PRKG2: variants seen among roughly 807,000 people sequenced by gnomAD.
PRKG2 encodes protein kinase cGMP-dependent 2.
PRKG2 carries 33 observed loss-of-function variants against 97.2 expected under a neutral mutation model. The observed-to-expected ratio is 0.34, with a 90% confidence interval of 0.26 to 0.45. PRKG2 has a LOEUF of 0.45. Among genes scored for constraint, PRKG2 ranks in the 20% least tolerant of loss-of-function variants. PRKG2 has a pLI of 1.00. For missense variants in PRKG2, 638 were observed against 900.0 expected, an observed-to-expected ratio of 0.71 and a Z score of 3.73; for synonymous variants, 330 against 321.8, an observed-to-expected ratio of 1.03 and a Z score of -0.27.
At chr4:81,196,089 T>C (rs994836546) in intron 2 of PRKG2, among the ~76,000 whole-genome samples, 6 of 152,132 alleles carry the variant, frequency 3.9e-5, no homozygotes, top group African/African-American at 1.4e-4. Flanking sequence ...AGAGGGCCTG[T>C]GAGAGGGACG....
intron 2 of PRKG2, among the ~76,000 whole-genome samples, chr4:81,196,393 T>A (rs958386621): frequency 6.6e-6 from 1 of 152,210 alleles, no homozygotes; most frequent in African/African-American, 2.4e-5. Context: ...AGCTACTAAG[T>A]TTGTGGTAAT....
intron 2 of PRKG2, among the ~76,000 whole-genome samples, chr4:81,196,994 C>G (rs1752998976): frequency 6.6e-6 from 1 of 152,194 alleles, no homozygotes; most frequent in African/African-American, 2.4e-5. Context: ...GTCTTCAGAT[C>G]TGTTCCCCTT....
chr4:81,163,083 A>G (rs1749701230), intron 6 of PRKG2, among the ~76,000 whole-genome samples: 1 of 152,186 alleles, frequency 6.6e-6, no homozygotes, highest in South Asian at 2.1e-4. Context: ...CAACCTTCCT[A>G]GTGGTATTTT....
intron 12 of PRKG2, among the ~76,000 whole-genome samples, chr4:81,138,355 C>G (rs1560570373): frequency 6.6e-6 from 1 of 152,022 alleles, no homozygotes; most frequent in African/African-American, 2.4e-5. Context: ...CCAAAGCAGA[C>G]AGTAGAACAG....
intron 12 of PRKG2, among the ~76,000 whole-genome samples, chr4:81,138,483 C>T (rs116116353): frequency 0.011 from 1,709 of 152,114 alleles, 30 homozygotes; most frequent in African/African-American, 0.039. Flanking sequence ...CAACTTCTGT[C>T]TTCTCATTGT....
chr4:81,143,014 A>C (rs1747451072), intron 10 of PRKG2, 67 bp from the exon 11 acceptor site: 1 of 1,500,044 alleles, frequency 6.7e-7, no homozygotes, highest in Non-Finnish European at 9.0e-7. Context: ...GCCATACATA[A>C]ATTTCACTCC....
intron 17 of PRKG2, among the ~76,000 whole-genome samples, chr4:81,101,241 A>G (rs1203939938): frequency 2.0e-5 from 3 of 152,164 alleles, no homozygotes. Flanking sequence ...ATTATAAATC[A>G]TGCTGCTATA....
In PRKG2 at chr4:81,120,044, A is replaced by G. The variant is rs148852039; in HGVS notation, c.1777-9433T>C. Among the ~76,000 whole-genome samples the G allele has an allele frequency of 5.9e-3, 891 of 152,280 alleles. 6 individuals carry two copies. Among genetic ancestry groups the G allele is most frequent in the African/African-American group, 0.02 (836 of 41,552 alleles). ...GAAGGACTCCATATTTCTATATTTGAGTCCTTGTGGATGAACTGCAACCTA... is the reference window on the plus strand; with the variant it reads ...GAAGGACTCCATATTTCTATATTTGGGTCCTTGTGGATGAACTGCAACCTA... On this transcript the variant is annotated intron_variant, in intron 14 of 18. Transcript: ENST00000264399.
intron 2 of PRKG2, among the ~76,000 whole-genome samples, chr4:81,186,774 A>T (rs936464608): frequency 6.6e-6 from 1 of 152,214 alleles, no homozygotes; most frequent in Admixed American, 6.5e-5. Context: ...CAGACACAAT[A>T]ACAAACGATA....
intron 1 of PRKG2, among the ~76,000 whole-genome samples, chr4:81,213,531 T>C (rs748535244): frequency 6.6e-5 from 10 of 152,064 alleles, no homozygotes; most frequent in East Asian, 1.9e-4. Flanking sequence ...AGAGTGGGGA[T>C]AGACACTCAA....
At chr4:81,154,452 G>A (rs1178858807) in intron 6 of PRKG2, among the ~76,000 whole-genome samples, 4 of 150,628 alleles carry the variant, frequency 2.7e-5, no homozygotes, top group Non-Finnish European at 5.9e-5. Flanking sequence ...CCTCAAGTGG[G>A]TCCCTGACCC....
chr4:81,106,279 T>C (rs1401278087), intron 15 of PRKG2, among the ~76,000 whole-genome samples: 1 of 151,978 alleles, frequency 6.6e-6, no homozygotes, highest in South Asian at 2.1e-4. Context: ...GACGTATGAA[T>C]AAAGAGAGGG....
In PRKG2 at chr4:81,191,036, G is replaced by T. The variant is rs376963045; in HGVS notation, c.461+13551C>A. ...GGAAGACAGTGTGGCGATTCCTCAA[G>T]GATCTAGAACCAGAAATACCATTTG... On this transcript the variant is annotated intron_variant, in intron 2 of 18. Coordinates refer to ENST00000264399, the MANE Select transcript of PRKG2 (RefSeq NM_006259.3). Among the ~76,000 whole-genome samples the T allele has an allele frequency of 1.1e-4, 16 of 152,176 alleles. No individual in the cohort carries two copies. In the South Asian group the frequency reaches 1.5e-3, roughly 14 times the overall value.
intron 6 of PRKG2, among the ~76,000 whole-genome samples, chr4:81,164,750 T>A (rs1163228680): frequency 6.6e-6 from 1 of 152,124 alleles, no homozygotes; most frequent in Non-Finnish European, 1.5e-5. Context: ...GCAAAGGTGC[T>A]CCACACTACA....
chr4:81,128,668 G>A (rs550635210), intron 14 of PRKG2, among the ~76,000 whole-genome samples: 2 of 152,160 alleles, frequency 1.3e-5, no homozygotes, highest in South Asian at 4.2e-4. Flanking sequence ...TGGGATCAGG[G>A]GTGATATCCC....
At chr4:81,215,789 G>A (rs894821485), upstream of PRKG2, among the ~76,000 whole-genome samples, 1 of 151,618 alleles carries the variant, frequency 6.6e-6, no homozygotes, top group Non-Finnish European at 1.5e-5. Context: ...CGAGTTTCGA[G>A]GGACAGAGAT....
At chr4:81,158,635 A>G (rs6857403) in intron 6 of PRKG2, among the ~76,000 whole-genome samples, 41,294 of 151,502 alleles carry the variant, frequency 0.27, 11,834 homozygotes, top group African/African-American at 0.72. Context: ...AGCCCGCATC[A>G]CCAAGTCAAT....
intron 14 of PRKG2, among the ~76,000 whole-genome samples, chr4:81,130,437 G>A (rs574411281): frequency 2.1e-4 from 32 of 152,300 alleles, no homozygotes; most frequent in African/African-American, 7.5e-4. Flanking sequence ...TACCTGCTGG[G>A]AGGTGTCTCC....
chr4:81,173,650 T>C (rs1750675871), intron 3 of PRKG2: 1 of 152,106 alleles, frequency 6.6e-6, no homozygotes, highest in African/African-American at 2.4e-5. Context: ...TACAAAGATA[T>C]ATACGGCAAA....
Sources: gnomAD v4.1 joint callset for allele counts (sites outside exome capture counted in the v4.1 genomes callset) on GRCh38, gnomAD v4.1.1 for gene constraint, MANE v1.5 for transcripts, NCBI Gene and HGNC (gene_info 2026-07-23, HGNC 2026-07-21) for gene names.